Variants in GRM8 observed in about 807,000 individuals in gnomAD.
GRM8 encodes the protein glutamate metabotropic receptor 8, also known as metabotropic glutamate receptor 8.
A neutral mutation model predicts 87.2 loss-of-function variants in GRM8; 47 were observed. That is an observed-to-expected ratio of 0.54 (90% CI 0.43 to 0.69). GRM8 has a LOEUF of 0.69. Among genes scored for constraint, GRM8 ranks in the 30% least tolerant of loss-of-function variants. The pLI, the probability that GRM8 is intolerant of heterozygous loss-of-function variation, is 0.00. For missense variants in GRM8, 1,019 were observed against 1,139.2 expected (o/e 0.89, Z 1.52); for synonymous variants, 396 against 404.5 (o/e 0.98, Z 0.25).
At chr7:126,858,730 C>T (rs1797896563) in intron 6 of GRM8, among the ~76,000 whole-genome samples, 1 of 152,166 alleles carries the variant, frequency 6.6e-6, no homozygotes, top group South Asian at 2.1e-4. Flanking sequence ...CTTCATGTTC[C>T]TTGTTTCTGC....
chr7:126,791,105 C>T (rs2299520), intron 6 of GRM8, among the ~76,000 whole-genome samples: 56,152 of 151,994 alleles, frequency 0.37, 11,687 homozygotes, highest in Non-Finnish European at 0.47. Flanking sequence ...GTGTCACTCC[C>T]ACCCAGACAA....
intron 9 of GRM8, among the ~76,000 whole-genome samples, chr7:126,454,953 G>A (rs1329504799): frequency 6.6e-6 from 1 of 151,676 alleles, no homozygotes; most frequent in Non-Finnish European, 1.5e-5. Context: ...GGAATGGGGA[G>A]TTGATATCAC....
At chr7:126,581,568 T>C (rs906805699) in intron 8 of GRM8, among the ~76,000 whole-genome samples, 2 of 152,062 alleles carry the variant, frequency 1.3e-5, no homozygotes, top group Admixed American at 1.3e-4. Context: ...CCTTCAAACA[T>C]AAAACTGTTT....
At chr7:126,484,963 GA>G (rs1195693430) in intron 9 of GRM8, among the ~76,000 whole-genome samples, 1 of 151,008 alleles carries the variant, frequency 6.6e-6, no homozygotes, top group Non-Finnish European at 1.5e-5. Context: ...TTATGTACTT[GA>G]TTTTGTTTAC....
intron 3 of GRM8, among the ~76,000 whole-genome samples, chr7:127,063,121 C>T (rs1820780567): frequency 6.6e-6 from 1 of 152,082 alleles, no homozygotes; most frequent in Admixed American, 6.5e-5. Flanking sequence ...GACATGGTGG[C>T]AGGCACCTGT....
At chr7:126,973,440 T>G (rs1409571590) in intron 3 of GRM8, among the ~76,000 whole-genome samples, 2 of 152,184 alleles carry the variant, frequency 1.3e-5, no homozygotes, top group African/African-American at 4.8e-5. Flanking sequence ...GATAATAACA[T>G]CTATCCAATA....
chr7:127,109,235 C>T (rs370508194), intron 2 of GRM8, among the ~76,000 whole-genome samples: 19 of 151,340 alleles, frequency 1.3e-4, no homozygotes, highest in Admixed American at 3.3e-4. Flanking sequence ...TGAAGAGAAG[C>T]GGAGGAAAAA....
At chr7:126,509,619 G>A (rs912392928) in intron 9 of GRM8, among the ~76,000 whole-genome samples, 8 of 151,964 alleles carry the variant, frequency 5.3e-5, no homozygotes, top group Non-Finnish European at 7.4e-5. Flanking sequence ...TCCCTTTGAG[G>A]TAGGTAATTA....
intron 7 of GRM8, among the ~76,000 whole-genome samples, chr7:126,695,476 A>G (rs1809280815): frequency 6.6e-6 from 1 of 152,166 alleles, no homozygotes. Context: ...AACTGTAAAC[A>G]TCAAGAAGAA....
intron 7 of GRM8, among the ~76,000 whole-genome samples, chr7:126,695,148 A>G (rs1023216246): frequency 3.3e-5 from 5 of 152,192 alleles, no homozygotes; most frequent in East Asian, 1.9e-4. Context: ...GAGAAAAACT[A>G]TTTCTAGGCA....
chr7:126,795,673 T>C (rs1002390046), intron 6 of GRM8, among the ~76,000 whole-genome samples: 2 of 152,092 alleles, frequency 1.3e-5, no homozygotes, highest in Non-Finnish European at 2.9e-5. Context: ...ATTAACAGCA[T>C]TTCCTCCTTG....
intron 9 of GRM8, among the ~76,000 whole-genome samples, chr7:126,463,979 A>G (rs912742256): frequency 1.3e-5 from 2 of 151,780 alleles, no homozygotes; most frequent in African/African-American, 2.4e-5. Context: ...TACATAAAAT[A>G]TAGTTACAGT....
intron 3 of GRM8, among the ~76,000 whole-genome samples, chr7:127,040,026 AG>A (rs1818260848): frequency 7.2e-5 from 2 of 27,938 alleles, no homozygotes; most frequent in Non-Finnish European, 8.1e-5. Flanking sequence ...GAGGGTGAGG[AG>A]GGAGGGGAGG....
intron 6 of GRM8, among the ~76,000 whole-genome samples, chr7:126,834,070 C>T (rs62470218): frequency 0.013 from 1,944 of 152,242 alleles, 28 homozygotes; most frequent in Non-Finnish European, 0.02. Context: ...GACTGTCCTA[C>T]GGATGGTAAA....
chr7:126,831,832 C>T (rs1237693272), intron 6 of GRM8, among the ~76,000 whole-genome samples: 3 of 152,118 alleles, frequency 2.0e-5, no homozygotes, highest in Non-Finnish European at 4.4e-5. Context: ...CATCTTGGCT[C>T]CTCTGAAACT....
intron 2 of GRM8, among the ~76,000 whole-genome samples, chr7:127,137,183 T>TG (rs145801143): frequency 0.07 from 10,594 of 151,916 alleles, 512 homozygotes; most frequent in South Asian, 0.13. Flanking sequence ...TTCTAGGAGT[T>TG]GGAGTTTATA....
intron 3 of GRM8, among the ~76,000 whole-genome samples, chr7:126,913,987 C>T (rs1458121766): frequency 1.3e-5 from 2 of 152,152 alleles, no homozygotes; most frequent in Non-Finnish European, 2.9e-5. Flanking sequence ...ACTTTTTCCT[C>T]TATCAAATGC....
intron 7 of GRM8, among the ~76,000 whole-genome samples, chr7:126,714,109 T>TAA (rs1264976222): frequency 2.1e-5 from 3 of 142,114 alleles, no homozygotes; most frequent in East Asian, 4.1e-4. Flanking sequence ...TCATCTTTAC[T>TAA]AAAAAAAAAA....
intron 8 of GRM8, among the ~76,000 whole-genome samples, chr7:126,547,450 A>T (rs1817280191): frequency 6.6e-6 from 1 of 151,896 alleles, no homozygotes; most frequent in Non-Finnish European, 1.5e-5. Flanking sequence ...TATAATTATT[A>T]TGTTTAATAA....
Sources: allele counts gnomAD v4.1 joint callset (sites outside exome capture counted in the v4.1 genomes callset), GRCh38; gene constraint gnomAD v4.1.1; transcripts MANE v1.5; gene names NCBI Gene and HGNC (gene_info 2026-07-23, HGNC 2026-07-21).